Variants in TPR observed in about 807,000 individuals in gnomAD.
TPR encodes the protein translocated promoter region, nuclear basket protein, also known as nucleoprotein TPR.
In TPR, 51 loss-of-function variants were observed where a neutral mutation model predicts 316.1. The ratio of observed to expected loss-of-function variants is 0.16; its 90% confidence interval spans 0.13 to 0.20. The LOEUF is 0.20. Ranked by LOEUF, TPR falls within the 10% of genes least tolerant of loss-of-function variation. The pLI, the probability that TPR is intolerant of heterozygous loss-of-function variation, is 1.00. For synonymous variants in TPR, 981 were observed against 914.7 expected, an observed-to-expected ratio of 1.07 and a Z score of -1.31; for missense variants, 2,272 against 2,754.8, an observed-to-expected ratio of 0.82 and a Z score of 3.92.
intron 43 of TPR, among the ~76,000 whole-genome samples, chr1:186,323,466 C>A (rs1021841810): frequency 4.6e-5 from 7 of 152,090 alleles, no homozygotes; most frequent in African/African-American, 1.4e-4. Context: ...ATAACCATTT[C>A]AATGTATGCA....
chr1:186,315,722 A>T (rs140735168), intron 49 of TPR, among the ~76,000 whole-genome samples: 2 of 151,568 alleles, frequency 1.3e-5, no homozygotes, highest in Admixed American at 1.3e-4. Context: ...GATCTACTCG[A>T]TCTATCCTCT....
chr1:186,332,341 A>T lies in TPR; in HGVS notation c.5458T>A (p.Ser1820Thr). ...STSTAVFGTV[S>T]ATPSSSLPKR... ...GGCAAAGAAGAACTGGGGGTAGCCG[A>T]AACTTTGAAATTATATAAATCTTGA... The change falls in exon 38 of 51, where the codon TCG becomes ACG. Residue 1820 changes from serine to threonine, a missense_variant and splice_region_variant. Physicochemically the swap from Ser to Thr is moderately conservative, Grantham distance 58. Transcript: ENST00000367478. 1 of 1,611,692 alleles carries T rather than the reference A, an allele frequency of 6.2e-7. No individual in the cohort carries two copies. The highest frequency in any genetic ancestry group is 8.5e-7 in the Non-Finnish European group (1 of 1,178,924).
chr1:186,328,967 T>C (rs1355064865), intron 39 of TPR, among the ~76,000 whole-genome samples: 1 of 152,130 alleles, frequency 6.6e-6, no homozygotes, highest in South Asian at 2.1e-4. Context: ...TCATAAAAAA[T>C]TACATATGCC....
At chr1:186,342,005 T>G (rs1658519900) in intron 27 of TPR, 1 of 152,424 alleles carries the variant, frequency 6.6e-6, no homozygotes, top group Non-Finnish European at 1.5e-5. Context: ...AGTCTCGCTC[T>G]GTCGCCCAGA....
At position 186,327,300 on chromosome 1, in the gene TPR, A is replaced by T. The variant is rs1474042927; in HGVS notation, c.5889+160T>A. Among the ~76,000 whole-genome samples the T allele has an allele frequency of 6.7e-5, 6 of 89,912 alleles. 2 individuals carry two copies. Among genetic ancestry groups the T allele is most frequent in the South Asian group, 2.8e-4 (1 of 3,510 alleles). The allele number at this position is 89,912 out of a possible 152,430, so 59.0% of individuals were successfully genotyped here. On this transcript the variant is annotated intron_variant, in intron 40 of 50. Coordinates refer to ENST00000367478, the MANE Select transcript of TPR (RefSeq NM_003292.3). ...TATATATAATATATATAAATATATAATATATAATATATTAAATATATAATA... is the reference window on the plus strand; with the variant it reads ...TATATATAATATATATAAATATATATTATATAATATATTAAATATATAATA...
At chr1:186,370,107 C>T (rs1558041774) in intron 3 of TPR, among the ~76,000 whole-genome samples, 1 of 152,098 alleles carries the variant, frequency 6.6e-6, no homozygotes, top group African/African-American at 2.4e-5. Flanking sequence ...ATTTTAATAA[C>T]CATAGCTTTA....
chr1:186,335,027 T>G (rs767853608), intron 35 of TPR, 41 bp downstream of exon 35: 1 of 1,589,658 alleles, frequency 6.3e-7, no homozygotes, highest in South Asian at 1.1e-5. Flanking sequence ...TCCCTGAGCT[T>G]TAAAAGAAAA....
chr1:186,353,562 T>C lies in TPR; in HGVS notation c.2334+126A>G, dbSNP rs2101977508. On this transcript the variant is annotated intron_variant, in intron 18 of 50. Coordinates refer to ENST00000367478, the MANE Select transcript of TPR (RefSeq NM_003292.3). The stretch of plus-strand genomic sequence containing the variant: ...GGCTATTTGCAAACTATGTATTAAT[T>C]ACTTGGTGTAACCTCCAAACTTCTT... 3 of 1,000,546 alleles carry C rather than the reference T, an allele frequency of 3.0e-6. No individual in the cohort carries two copies. In the East Asian group the frequency reaches 7.3e-5, roughly 24 times the overall value. 62.0% of individuals were successfully genotyped at this position (1,000,546 alleles called of 1,614,324 possible). A position where few individuals can be genotyped will look rare whatever the true frequency, so the allele number is the denominator to read the frequency against.
rs1462205881 is a variant in TPR at position 186,327,546 on chromosome 1, C to G, written c.5803G>C (p.Asp1935His). The G allele has an allele frequency of 3.1e-6, 5 of 1,612,044 alleles. No homozygotes were observed. Among genetic ancestry groups the G allele is most frequent in the Non-Finnish European group, 4.2e-6 (5 of 1,179,642 alleles). Residue 1935 changes from aspartate (D) to histidine (H), a missense_variant, in exon 40 of 51, where the codon GAT becomes CAT. Physicochemically the swap from Asp to His is moderately conservative, Grantham distance 81. This residue lies in a region of TPR where 435 missense variants were observed against 461.1 expected (regional missense o/e 0.94). Transcript: ENST00000367478. ...SDQQTTTSSQ[D>H]GQGKGDDVIV... The stretch of plus-strand genomic sequence containing the variant: ...ACATCATCTCCTTTGCCTTGACCAT[C>G]CTGGGATGAAGTTGTCGTCTGCTGA...
intron 1 of TPR, among the ~76,000 whole-genome samples, chr1:186,374,271 G>T (rs2101997264): frequency 6.6e-6 from 1 of 152,052 alleles, no homozygotes; most frequent in East Asian, 1.9e-4. Flanking sequence ...CTTACTTAAA[G>T]GCCTACTTTA....
intron 37 of TPR, 139 bp from the exon 38 acceptor site, chr1:186,332,482 C>A: frequency 1.1e-6 from 1 of 907,810 alleles, no homozygotes; most frequent in Non-Finnish European, 1.6e-6. Flanking sequence ...TACAATCAAT[C>A]AACTCCTAGA....
At chr1:186,323,561 C>T (rs980226411) in intron 43 of TPR, 125 bp downstream of exon 43, 1 of 883,110 alleles carries the variant, frequency 1.1e-6, no homozygotes, top group African/African-American at 1.8e-5. Context: ...TGCCAAAATA[C>T]CAAAAAGTTC....
intron 4 of TPR, 100 bp from the exon 5 acceptor site, chr1:186,363,545 G>A: frequency 1.3e-6 from 1 of 752,100 alleles, no homozygotes; most frequent in Non-Finnish European, 2.2e-6. Context: ...TTAATACAAA[G>A]TATGCACAGC....
chr1:186,332,273 T>C lies in TPR; in HGVS notation c.5526A>G (p.Ala1842=). 6.2e-7 allele frequency: 1 copy of C among 1,612,966 alleles called. No homozygotes were observed. The highest frequency in any genetic ancestry group is 8.5e-7 in the Non-Finnish European group (1 of 1,179,408). Residue 1842 remains alanine (A), a synonymous_variant, in exon 38 of 51, where the codon GCA becomes GCG. Coordinates refer to ENST00000367478, the MANE Select transcript of TPR (RefSeq NM_003292.3). The stretch of plus-strand genomic sequence containing the variant: ...CTGTATCATCAGAGACTTGGTCTGA[T>C]GCTTCTATGGTGCTATCCTCTTCCT... ...REEEEDSTIE[A]SDQVSDDTVE...
chr1:186,328,293 T>A (rs1413751240), intron 39 of TPR, among the ~76,000 whole-genome samples: 1 of 152,176 alleles, frequency 6.6e-6, no homozygotes, highest in African/African-American at 2.4e-5. Context: ...CAGGAATATG[T>A]CATGTAATTT....
chr1:186,316,260 T>C (rs1657609588), intron 49 of TPR, among the ~76,000 whole-genome samples: 1 of 152,160 alleles, frequency 6.6e-6, no homozygotes, highest in Non-Finnish European at 1.5e-5. Context: ...GGTTCTGTAA[T>C]TTACATACAT....
intron 21 of TPR, among the ~76,000 whole-genome samples, chr1:186,348,191 TTC>T (rs1658739226): frequency 1.3e-5 from 2 of 152,178 alleles, no homozygotes; most frequent in African/African-American, 4.8e-5. Flanking sequence ...TATCGCTAAA[TTC>T]TTTTCCTAGC....
chr1:186,351,496 T>A, intron 19 of TPR, 26 bp from the exon 20 acceptor site: 1 of 1,526,342 alleles, frequency 6.6e-7, no homozygotes, highest in Non-Finnish European at 8.7e-7. Flanking sequence ...GATTTTTGGT[T>A]ATGCTTAAGA....
At chr1:186,369,851 C>G (rs1430227182) in intron 3 of TPR, among the ~76,000 whole-genome samples, 5 of 152,016 alleles carry the variant, frequency 3.3e-5, no homozygotes, top group African/African-American at 1.2e-4. Context: ...TTCTTTCTTT[C>G]AGCCACCAAG....
Sources: allele counts gnomAD v4.1 joint callset (sites outside exome capture counted in the v4.1 genomes callset), GRCh38; gene constraint gnomAD v4.1.1; regional missense constraint gnomAD v4.1.1; transcripts MANE v1.5; gene names NCBI Gene and HGNC (gene_info 2026-07-23, HGNC 2026-07-21).